Variants in BRAF observed in about 807,000 individuals in gnomAD.
BRAF encodes the protein serine/threonine-protein kinase B-raf.
In BRAF, 16 loss-of-function variants were observed where a neutral mutation model predicts 104.6. That is an observed-to-expected ratio of 0.15 (90% CI 0.10 to 0.23). The LOEUF (loss-of-function observed/expected upper bound fraction) is 0.23. Among genes scored for constraint, BRAF ranks in the 10% least tolerant of loss-of-function variants. The pLI is 1.00. For missense variants in BRAF, 541 were observed against 937.3 expected (o/e 0.58, Z 5.52); for synonymous variants, 310 against 341.6 (o/e 0.91, Z 1.02).
chr7:140,793,956 T>C (rs1285931811), intron 8 of BRAF, among the ~76,000 whole-genome samples: 1 of 152,236 alleles, frequency 6.6e-6, no homozygotes, highest in Admixed American at 6.5e-5. Context: ...CCACCTCTTA[T>C]AGCACAATCA....
At chr7:140,885,402 T>C (rs1212062274) in intron 1 of BRAF, among the ~76,000 whole-genome samples, 1 of 152,160 alleles carries the variant, frequency 6.6e-6, no homozygotes, top group Non-Finnish European at 1.5e-5. Flanking sequence ...GTATTCAATT[T>C]GTTGGAATAT....
rs531335738 is a variant in BRAF, at chr7:140,758,693, C to T, written c.1815-4460G>A. ...TGGTCTTGAACTCCTGGGCTCAAGC[C>T]ATCCTCCCACCTCGGCCTCCCGAAG... On this transcript the variant is annotated intron_variant, in intron 14 of 19. Coordinates refer to ENST00000644969, the MANE Select transcript of BRAF (RefSeq NM_001374258.1). Among the ~76,000 whole-genome samples, 12 of 152,312 alleles carry T rather than the reference C, an allele frequency of 7.9e-5. No individual in the cohort carries two copies. In the South Asian group the frequency reaches 2.3e-3, roughly 29 times the overall value.
intron 18 of BRAF, among the ~76,000 whole-genome samples, 192 bp downstream of exon 17, chr7:140,739,620 G>A (rs1440832033): frequency 6.6e-6 from 1 of 151,764 alleles, no homozygotes; most frequent in Admixed American, 6.6e-5. Context: ...TGAATATTTT[G>A]TATTAGGACC....
chr7:140,818,100 A>G (rs1207463319), intron 3 of BRAF, among the ~76,000 whole-genome samples: 1 of 152,104 alleles, frequency 6.6e-6, no homozygotes, highest in African/African-American at 2.4e-5. Flanking sequence ...ATATGATTGA[A>G]GGTACCTCAC....
At chr7:140,861,020 GAAT>G (rs1810360274) in intron 1 of BRAF, among the ~76,000 whole-genome samples, 2 of 152,088 alleles carry the variant, frequency 1.3e-5, no homozygotes, top group Non-Finnish European at 2.9e-5. Context: ...TTATCAACAT[GAAT>G]ACATCTCAAA....
chr7:140,752,229 C>T (rs1797851394), intron 16 of BRAF, among the ~76,000 whole-genome samples: 1 of 152,110 alleles, frequency 6.6e-6, no homozygotes, highest in Non-Finnish European at 1.5e-5. Context: ...GAGATGGGGT[C>T]TCACTATGTT....
rs145522765 is a variant in BRAF at position 140,809,254 on chromosome 7, A to T, written c.505-259T>A. On this transcript the variant is annotated intron_variant, in intron 3 of 19. Coordinates refer to ENST00000644969, the MANE Select transcript of BRAF (RefSeq NM_001374258.1). ...AATACTTTAAACATATAAAAAGAAG[A>T]AGTAACAGTATCTGCTACAATATAC... Among the ~76,000 whole-genome samples the T allele has an allele frequency of 9.9e-4, 151 of 152,334 alleles. 2 individuals are homozygous for T. Among genetic ancestry groups the T allele is most frequent in the African/African-American group, 3.1e-3 (131 of 41,592 alleles).
At chr7:140,884,475 GTA>G (rs1813327987) in intron 1 of BRAF, among the ~76,000 whole-genome samples, 3 of 122,542 alleles carry the variant, frequency 2.4e-5, no homozygotes, top group East Asian at 4.5e-4. Context: ...GTGTGTGTGT[GTA>G]TAAAAATATA....
At chr7:140,879,123 C>T (rs1812589150) in intron 1 of BRAF, among the ~76,000 whole-genome samples, 1 of 151,784 alleles carries the variant, frequency 6.6e-6, no homozygotes, top group Admixed American at 6.6e-5. Context: ...AGTGATCCAC[C>T]TGCCTTGGCC....
chr7:140,715,544 A>G (rs1198611497), downstream of BRAF, among the ~76,000 whole-genome samples: 2 of 152,190 alleles, frequency 1.3e-5, no homozygotes, highest in Admixed American at 1.3e-4. Context: ...CCCATTCCTT[A>G]GAAATCAGTT....
At chr7:140,876,859 T>C (rs1381338914) in intron 1 of BRAF, among the ~76,000 whole-genome samples, 2 of 152,026 alleles carry the variant, frequency 1.3e-5, no homozygotes, top group African/African-American at 4.8e-5. Flanking sequence ...CAAATGCACA[T>C]GGAACACTCA....
intron 1 of BRAF, among the ~76,000 whole-genome samples, chr7:140,878,391 G>A (rs149800158): frequency 3.3e-5 from 5 of 151,856 alleles, no homozygotes; most frequent in Admixed American, 1.3e-4. Flanking sequence ...CCAAAAGTAC[G>A]AGCAACAAAA....
chr7:140,885,096 G>T (rs1467943573), intron 1 of BRAF, among the ~76,000 whole-genome samples: 3 of 152,090 alleles, frequency 2.0e-5, no homozygotes, highest in Non-Finnish European at 4.4e-5. Flanking sequence ...TGGCCTCCCA[G>T]GTTCAAGCGA....
intron 6 of BRAF, 30 bp downstream of exon 6, chr7:140,801,382 G>A (rs1335333583): frequency 6.2e-7 from 1 of 1,610,806 alleles, no homozygotes; most frequent in East Asian, 2.2e-5. Context: ...AAAATGGTAG[G>A]TAGAAAAGAG....
chr7:140,898,460 T>G (rs1372409434), intron 1 of BRAF, among the ~76,000 whole-genome samples: 3 of 152,184 alleles, frequency 2.0e-5, no homozygotes, highest in African/African-American at 7.2e-5. Flanking sequence ...AAATGGCATG[T>G]CTATAAACAA....
At chr7:140,853,931 T>C (rs1424452929) in intron 1 of BRAF, among the ~76,000 whole-genome samples, 1 of 152,154 alleles carries the variant, frequency 6.6e-6, no homozygotes, top group Non-Finnish European at 1.5e-5. Context: ...CCTAGAACAG[T>C]GCCTAGCATA....
Position 140,783,151 on chromosome 7 carries a change from G to A in BRAF, c.1304C>T (p.Thr435Ile). The A allele has an allele frequency of 3.7e-6, 6 of 1,613,984 alleles. No individual in the cohort carries two copies. Among genetic ancestry groups the A allele is most frequent in the Non-Finnish European group, 5.1e-6 (6 of 1,179,942 alleles). Residue 435 changes from threonine (T) to isoleucine (I), a missense_variant, in exon 11 of 20, where the codon ACC (threonine) becomes ATC (isoleucine). Coordinates refer to ENST00000644969, the MANE Select transcript of BRAF (RefSeq NM_001374258.1). Reference sequence around the variant, plus strand: ...AGGGGGGGTAGCAGACAAACCTGTGGTTGATCCTAAATTAGTGAAAAGAAA... The same window carrying A: ...AGGGGGGGTAGCAGACAAACCTGTGATTGATCCTAAATTAGTGAAAAGAAA... Reference protein sequence around the residue: ...FEPGPVFRGSTTGLSATPPAS... With the variant: ...FEPGPVFRGSITGLSATPPAS...
chr7:140,901,714 C>A (rs746811261), intron 1 of BRAF, among the ~76,000 whole-genome samples: 1 of 152,178 alleles, frequency 6.6e-6, no homozygotes, highest in Non-Finnish European at 1.5e-5. Flanking sequence ...TTTTGTATAT[C>A]TGAAGTATTT....
chr7:140,859,214 C>T (rs1810127406), intron 1 of BRAF, among the ~76,000 whole-genome samples: 1 of 152,120 alleles, frequency 6.6e-6, no homozygotes, highest in Non-Finnish European at 1.5e-5. Context: ...TAGAGGTTTC[C>T]ACCCCTGTTT....
Sources: allele counts gnomAD v4.1 joint callset (sites outside exome capture counted in the v4.1 genomes callset), GRCh38; gene constraint gnomAD v4.1.1; transcripts MANE v1.5; gene names NCBI Gene and HGNC (gene_info 2026-07-23, HGNC 2026-07-21).